YARS1: variants seen among roughly 807,000 people sequenced by gnomAD.
YARS1 encodes the protein tyrosyl-tRNA synthetase 1.
YARS1 carries 36 observed loss-of-function variants against 62.2 expected under a neutral mutation model. That is an observed-to-expected ratio of 0.58 (90% CI 0.44 to 0.76). The LOEUF (loss-of-function observed/expected upper bound fraction) is 0.76, where lower values mean the gene tolerates loss of function less well. YARS1 is among the 30% of genes least tolerant of loss of function. The pLI, the probability that YARS1 is intolerant of heterozygous loss-of-function variation, is 0.00. For missense variants in YARS1, 524 were observed against 639.8 expected (o/e 0.82, Z 1.95); for synonymous variants, 234 against 244.9 (o/e 0.96, Z 0.42).
chr1:32,796,499 T>C (rs1004421430), intron 5 of YARS1, among the ~76,000 whole-genome samples: 1 of 151,852 alleles, frequency 6.6e-6, no homozygotes, highest in Non-Finnish European at 1.5e-5. Context: ...GCCTCCTGAA[T>C]AGCTGGGACT....
In YARS1 at chr1:32,816,703, G is replaced by C. The variant is rs76213478; in HGVS notation, c.57+485C>G. 1.1e-3 allele frequency: 184 copies of C among 165,630 alleles called. 1 individual carries two copies. The highest frequency in any genetic ancestry group is 6.0e-3 in the South Asian group (44 of 7,306). 10.3% of individuals were successfully genotyped at this position (165,630 alleles called of 1,614,324 possible). On this transcript the variant is annotated intron_variant, in intron 1 of 12. Coordinates refer to ENST00000373477, the MANE Select transcript of YARS1 (RefSeq NM_003680.4). ...ACAAACGGAACATTTGTGGAGTGAG[G>C]GGGGGGGATCCATTTCCTTCAAGGC...
At chr1:32,780,362 C>G (rs1653013706) in intron 10 of YARS1, 84 bp from the exon 11 acceptor site, 14 of 1,517,136 alleles carry the variant, frequency 9.2e-6, no homozygotes, top group Non-Finnish European at 1.1e-5. Context: ...CGGAAAGGAG[C>G]ATCCACTCCT....
rs965843256 is a variant in YARS1 at position 32,817,331 on chromosome 1, A to G, written c.-87T>C. 41 of 1,554,910 alleles carry G rather than the reference A, an allele frequency of 2.6e-5. No homozygotes were observed. The African/African-American group carries it at 5.4e-4, about 21-fold the overall frequency. ...TCGCCGCCGCGTGCCGGGAACTGTC[A>G]CGCGAGTCCAGCCAGGTTGCATCAG... is the stretch of plus-strand genomic sequence containing the variant. On this transcript the variant is annotated 5_prime_UTR_variant, in exon 1 of 13. Coordinates refer to ENST00000373477, the MANE Select transcript of YARS1 (RefSeq NM_003680.4).
At chr1:32,805,252 AG>A (rs1638431160) in intron 4 of YARS1, among the ~76,000 whole-genome samples, 1 of 24,056 alleles carries the variant, frequency 4.2e-5, no homozygotes, top group African/African-American at 1.9e-4. Flanking sequence ...AGAGGGGGAG[AG>A]GGGGAGAGGG....
At chr1:32,799,422 G>A (rs574752809) in intron 4 of YARS1, among the ~76,000 whole-genome samples, 45 of 152,296 alleles carry the variant, frequency 3.0e-4, no homozygotes, top group African/African-American at 1.0e-3. Flanking sequence ...CTCATGGGTT[G>A]GAGACAAAGT....
Position 32,817,214 on chromosome 1 carries a change from G to C in YARS1, c.31C>G (p.Leu11Val). ...TGCAGGTTCCGGGTGATAAGGTGCAGTTTCTCTTCAGGGCTGGGAGCGTCC... is the reference window on the plus strand; with the variant it reads ...TGCAGGTTCCGGGTGATAAGGTGCACTTTCTCTTCAGGGCTGGGAGCGTCC... MGDAPSPEEK[L>V]HLITRNLQEV... Residue 11 changes from leucine (L) to valine (V), a missense_variant, in exon 1 of 13, where the codon CTG becomes GTG. Leu to Val is a conservative substitution (Grantham distance 32). Coordinates refer to ENST00000373477, the MANE Select transcript of YARS1 (RefSeq NM_003680.4). The C allele has an allele frequency of 1.2e-6, 2 of 1,614,212 alleles. No individual in the cohort carries two copies. The highest frequency in any genetic ancestry group is 1.3e-5 in the African/African-American group (1 of 75,066).
intron 1 of YARS1, chr1:32,816,889 C>A (rs1261197266): frequency 3.6e-6 from 2 of 559,600 alleles, no homozygotes; most frequent in Non-Finnish European, 6.4e-6. Context: ...GTATCCCCAG[C>A]GACTAAGCAC....
chr1:32,807,706 C>A (rs955586654), intron 3 of YARS1, among the ~76,000 whole-genome samples: 1 of 152,134 alleles, frequency 6.6e-6, no homozygotes, highest in Non-Finnish European at 1.5e-5. Context: ...AATCTGCCCA[C>A]CCCAGCCTAC....
Position 32,786,375 on chromosome 1 carries a change from T to C in YARS1, c.893A>G (p.Asp298Gly), listed in dbSNP as rs1345151407. Reference protein sequence around the residue: ...TYTAYVDLEKDFAAEVVHPGD... With the variant: ...TYTAYVDLEKGFAAEVVHPGD... ...CTTTCATGTTACCTCAGCAGCAAAG[T>C]CCTTTTCCAGGTCCACGTAAGCTGT... Residue 298 changes from aspartate to glycine, a missense_variant, in exon 8 of 13, where the codon GAC becomes GGC. Transcript: ENST00000373477. The C allele has an allele frequency of 1.2e-6, 2 of 1,613,942 alleles. No individual in the cohort carries two copies. Among genetic ancestry groups the C allele is most frequent in the Non-Finnish European group, 1.7e-6 (2 of 1,179,994 alleles).
intron 1 of YARS1, among the ~76,000 whole-genome samples, chr1:32,815,313 C>T (rs759084027): frequency 1.8e-4 from 27 of 152,252 alleles, no homozygotes; most frequent in Admixed American, 3.9e-4. Context: ...TGTGCCATTG[C>T]ACTCCAGCCT....
chr1:32,813,169 C>T (rs1293423621), intron 1 of YARS1, among the ~76,000 whole-genome samples: 2 of 152,094 alleles, frequency 1.3e-5, no homozygotes, highest in African/African-American at 2.4e-5. Context: ...ATGTTTTTGC[C>T]TGTAACTTCT....
In YARS1 at chr1:32,775,873, C is replaced by G. The variant is rs1204796554; in HGVS notation, c.*108G>C. 3 of 1,057,126 alleles carry G rather than the reference C, an allele frequency of 2.8e-6. No homozygotes were observed. The highest frequency in any genetic ancestry group is 4.3e-6 in the Non-Finnish European group (3 of 693,944). The allele number at this position is 1,057,126 out of a possible 1,614,324, so 65.5% of individuals were successfully genotyped here. A position where few individuals can be genotyped will look rare whatever the true frequency, so the allele number is the denominator to read the frequency against. ...TCTGCACCGAATAAAGAGTCCAAAC[C>G]CGCTGCTTCCGTGTCCTGAGAGATG... is the stretch of plus-strand genomic sequence containing the variant. On this transcript the variant is annotated 3_prime_UTR_variant, in exon 13 of 13. Transcript: ENST00000373477.
chr1:32,811,367 C>T (rs908942337), intron 1 of YARS1: 9 of 419,058 alleles, frequency 2.1e-5, no homozygotes, highest in South Asian at 6.3e-5. Flanking sequence ...CATCAAAGAA[C>T]GCAAATAACT....
rs1653650983 is a variant in YARS1 at position 32,797,740 on chromosome 1, AAGAC to A, written c.591+19_591+22del. On this transcript the variant is annotated intron_variant, in intron 5 of 12. Transcript: ENST00000373477. ...CATACCTCTGAGGTGCAAGTGAAAA[AAGAC>A]AGGAAAGCAGACACTCACCTTCTCT... 6.8e-6 allele frequency: 11 copies of A among 1,609,566 alleles called. No homozygotes were observed. The highest frequency in any genetic ancestry group is 9.4e-6 in the Non-Finnish European group (11 of 1,175,922).
intron 8 of YARS1, among the ~76,000 whole-genome samples, chr1:32,785,494 T>C (rs1162807552): frequency 1.3e-5 from 2 of 151,622 alleles, no homozygotes; most frequent in African/African-American, 4.8e-5. Flanking sequence ...CACAGAGCCC[T>C]GTAGCATATA....
chr1:32,808,884 G>C (rs181740795), intron 3 of YARS1, among the ~76,000 whole-genome samples: 4 of 152,216 alleles, frequency 2.6e-5, no homozygotes, highest in Non-Finnish European at 5.9e-5. Flanking sequence ...GTATTTCCTT[G>C]CTGGAATGTA....
chr1:32,795,638 T>C (rs890141226), intron 5 of YARS1, among the ~76,000 whole-genome samples: 18 of 151,326 alleles, frequency 1.2e-4, no homozygotes, highest in African/African-American at 3.9e-4. Context: ...AAACCCTGTC[T>C]CTACTAAAAA....
chr1:32,809,029 C>T (rs1162652299), intron 3 of YARS1, among the ~76,000 whole-genome samples: 2 of 152,108 alleles, frequency 1.3e-5, no homozygotes, highest in East Asian at 3.8e-4. Context: ...TTCAGGTACT[C>T]TACGAAGGCT....
rs72654020 is a variant in YARS1, at chr1:32,817,174, C to T, written c.57+14G>A. 1.2e-6 allele frequency: 2 copies of T among 1,613,814 alleles called. No individual in the cohort carries two copies. Among genetic ancestry groups the T allele is most frequent in the Admixed American group, 3.3e-5 (2 of 60,000 alleles). ...CTAATCCCCAACGGCGCATTTCCAA[C>T]CCCCAGGCCTGACCTGCAGGTTCCG... On this transcript the variant is annotated intron_variant, in intron 1 of 12. Coordinates refer to ENST00000373477, the MANE Select transcript of YARS1 (RefSeq NM_003680.4).
Sources: allele counts gnomAD v4.1 joint callset (sites outside exome capture counted in the v4.1 genomes callset), GRCh38; gene constraint gnomAD v4.1.1; transcripts MANE v1.5; gene names NCBI Gene and HGNC (gene_info 2026-07-23, HGNC 2026-07-21).